The following CACNA1C variants were observed in gnomAD, a reference collection of about 807,000 sequenced individuals.
CACNA1C encodes the protein voltage-dependent L-type calcium channel subunit alpha-1C.
A neutral mutation model predicts 229.0 loss-of-function variants in CACNA1C; 30 were observed. That is an observed-to-expected ratio of 0.13 (90% CI 0.10 to 0.18). The LOEUF (loss-of-function observed/expected upper bound fraction) is 0.18. CACNA1C is among the 10% of genes least tolerant of loss of function. The pLI is 1.00. For missense variants in CACNA1C, 1,658 were observed against 2,845.0 expected (o/e 0.58, Z 9.49); for synonymous variants, 1,114 against 1,132.5 (o/e 0.98, Z 0.33).
intron 3 of CACNA1C, among the ~76,000 whole-genome samples, chr12:2,404,912 T>C (rs1447742230): frequency 6.6e-6 from 1 of 151,714 alleles, no homozygotes; most frequent in Non-Finnish European, 1.5e-5. Flanking sequence ...TGTTTCTGAC[T>C]TCTTCTCAAA....
At position 2,678,020 on chromosome 12, in the gene CACNA1C, C is replaced by A; in HGVS notation, c.5091+153C>A. ...CTTCCTGATGAGCTGTCTCCTCACCCCTTTGCCTTTTCCAAGCCTGACTCC... is the reference window on the plus strand; with the variant it reads ...CTTCCTGATGAGCTGTCTCCTCACCACTTTGCCTTTTCCAAGCCTGACTCC... On this transcript the variant is annotated intron_variant, in intron 41 of 46. Coordinates refer to ENST00000399655, the MANE Select transcript of CACNA1C (RefSeq NM_000719.7). This position sits in a 1 kb window ranked among gnomAD's most constrained non-coding sequence, Gnocchi z 4.1. 1 of 851,310 alleles carries A rather than the reference C, an allele frequency of 1.2e-6. No individual in the cohort carries two copies. The highest frequency in any genetic ancestry group is 1.8e-6 in the Non-Finnish European group (1 of 559,554). 52.7% of individuals were successfully genotyped at this position (851,310 alleles called of 1,614,324 possible). A position where few individuals can be genotyped will look rare whatever the true frequency, so the allele number is the denominator to read the frequency against.
intron 3 of CACNA1C, among the ~76,000 whole-genome samples, chr12:2,413,206 C>T (rs987111681): frequency 0.01 from 2 of 194 alleles, no homozygotes; most frequent in African/African-American, 0.019. Flanking sequence ...TTACTAAAGA[C>T]GTGTTTCACC....
intron 3 of CACNA1C, among the ~76,000 whole-genome samples, chr12:2,128,193 G>A (rs1231167532): frequency 6.6e-6 from 1 of 152,170 alleles, no homozygotes; most frequent in East Asian, 1.9e-4. Context: ...GCTGTAGTTG[G>A]AACTTAGGAC....
At chr12:2,205,965 G>A (rs1335705549) in intron 3 of CACNA1C, among the ~76,000 whole-genome samples, 3 of 152,140 alleles carry the variant, frequency 2.0e-5, no homozygotes, top group African/African-American at 7.2e-5. Flanking sequence ...TGACCTAATT[G>A]CCTACGAAAG....
intron 1 of CACNA1C, among the ~76,000 whole-genome samples, chr12:2,082,981 G>A (rs991019107): frequency 2.0e-5 from 3 of 152,264 alleles, no homozygotes; most frequent in South Asian, 2.1e-4. Context: ...CCTTTGGTTC[G>A]TTTAATCATG....
intron 3 of CACNA1C, among the ~76,000 whole-genome samples, chr12:2,368,907 C>T (rs1008731830): frequency 1.3e-5 from 2 of 152,178 alleles, no homozygotes; most frequent in African/African-American, 2.4e-5. Context: ...TAAGAGACGG[C>T]ATTCCTACAG....
At chr12:2,530,465 C>T (rs1568251341) in intron 9 of CACNA1C, among the ~76,000 whole-genome samples, 1 of 152,214 alleles carries the variant, frequency 6.6e-6, no homozygotes, top group Non-Finnish European at 1.5e-5. Context: ...CTACAGAGAT[C>T]TGTAGCAGTG....
intron 1 of CACNA1C, among the ~76,000 whole-genome samples, chr12:2,093,702 A>G (rs968900388): frequency 6.6e-6 from 1 of 152,174 alleles, no homozygotes; most frequent in Non-Finnish European, 1.5e-5. Context: ...TCTGGGGCCC[A>G]TGGGGGCAGC....
chr12:2,548,221 C>T (rs1280859764), intron 9 of CACNA1C, among the ~76,000 whole-genome samples: 6 of 152,178 alleles, frequency 3.9e-5, no homozygotes, highest in South Asian at 2.1e-4. Flanking sequence ...GGGCTGGTCT[C>T]ACCAGCCCCT....
intron 3 of CACNA1C, among the ~76,000 whole-genome samples, chr12:2,229,577 G>A (rs2064092083): frequency 6.6e-6 from 1 of 152,184 alleles, no homozygotes; most frequent in Non-Finnish European, 1.5e-5. Flanking sequence ...GTGGAGAAAG[G>A]TAAAGCAGGG....
chr12:2,510,606 C>T (rs940748778), intron 8 of CACNA1C, among the ~76,000 whole-genome samples: 1 of 152,166 alleles, frequency 6.6e-6, no homozygotes, highest in African/African-American at 2.4e-5. Flanking sequence ...GGCCAATTGT[C>T]CCTATTCCAG....
rs754356413 is a variant in CACNA1C at position 2,581,674 on chromosome 12, C to A, written c.1980C>A (p.Leu660=). The part of the protein sequence containing the change: ...SIASLLLLLF[L]FIIIFSLLGM... The stretch of plus-strand genomic sequence containing the variant: ...CCTCCCTGCTCCTTCTCCTCTTCCT[C>A]TTCATCATCATCTTCTCCCTCCTGG... The change falls in exon 14 of 47, where the codon CTC becomes CTA. Residue 660 remains leucine, a synonymous_variant. Coordinates refer to ENST00000399655, the MANE Select transcript of CACNA1C (RefSeq NM_000719.7). 18 of 1,611,052 alleles carry A rather than the reference C, an allele frequency of 1.1e-5. No homozygotes were observed. Among genetic ancestry groups the A allele is most frequent in the Non-Finnish European group, 7.6e-6 (9 of 1,178,652 alleles).
chr12:2,004,666 G>A, intron 1 of CACNA1C: 1 of 557,960 alleles, frequency 1.8e-6, no homozygotes, highest in Non-Finnish European at 3.1e-6. Flanking sequence ...GCCCAGGCCT[G>A]CCCTCTGCAT....
Position 2,504,572 on chromosome 12 carries a change from C to T in CACNA1C, c.1114-270C>T, listed in dbSNP as rs747538351. Reference sequence around the variant, plus strand: ...GACCGTTTCTATGTCCTCTCCACAACGCAGCCGAGCAAGGTCTCAGGTTCC... The same window carrying T: ...GACCGTTTCTATGTCCTCTCCACAATGCAGCCGAGCAAGGTCTCAGGTTCC... On this transcript the variant is annotated intron_variant, in intron 7 of 46. Transcript: ENST00000399655. The surrounding 1 kb of genome is among the most constrained non-coding windows in gnomAD (Gnocchi z 6.8). 60 of 1,291,470 alleles carry T rather than the reference C, an allele frequency of 4.6e-5. No homozygotes were observed. Among genetic ancestry groups the T allele is most frequent in the South Asian group, 8.3e-5 (7 of 84,600 alleles). 80.0% of individuals were successfully genotyped at this position (1,291,470 alleles called of 1,614,324 possible).
chr12:2,619,251 G>A (rs183035626), intron 29 of CACNA1C, among the ~76,000 whole-genome samples: 1 of 152,166 alleles, frequency 6.6e-6, no homozygotes, highest in Non-Finnish European at 1.5e-5. Flanking sequence ...AGCATACTGT[G>A]GTGAGACTGA....
rs970131966 is a variant in CACNA1C, at chr12:2,647,052, T to C, written c.3913-1423T>C. Among the ~76,000 whole-genome samples the C allele has an allele frequency of 1.2e-4, 18 of 151,066 alleles. No individual in the cohort carries two copies. Among genetic ancestry groups the C allele is most frequent in the African/African-American group, 3.6e-4 (15 of 41,126 alleles). ...AAAAGGGCATCCTACCAACTAGCTA[T>C]GAAAAAAAAAAGAATTTGCTGAGAA... On this transcript the variant is annotated intron_variant, in intron 30 of 46. Coordinates refer to ENST00000399655, the MANE Select transcript of CACNA1C (RefSeq NM_000719.7). This position sits in a 1 kb window ranked among gnomAD's most constrained non-coding sequence, Gnocchi z 4.2.
chr12:2,254,387 T>C (rs967954017), intron 3 of CACNA1C, among the ~76,000 whole-genome samples: 16 of 152,220 alleles, frequency 1.1e-4, no homozygotes, highest in African/African-American at 3.9e-4. Flanking sequence ...CATGTCTTCC[T>C]TAGACACATA....
intron 9 of CACNA1C, among the ~76,000 whole-genome samples, chr12:2,537,714 G>T (rs181553438): frequency 6.6e-6 from 1 of 152,316 alleles, no homozygotes; most frequent in Admixed American, 6.5e-5. Flanking sequence ...GTGCTCTAGA[G>T]AAAGACCACC....
rs2097837075 is a variant in CACNA1C at position 2,695,750 on chromosome 12, G to GA, written c.*4553dup. 6.6e-6 allele frequency: 1 copy of GA among 152,206 alleles called. No individual in the cohort carries two copies. The highest frequency in any genetic ancestry group is 1.5e-5 in the Non-Finnish European group (1 of 68,030). 9.4% of individuals were successfully genotyped at this position (152,206 alleles called of 1,614,324 possible). ...GCAGATGCTTACACGACCTCTTTGTGAAGCCTCTTCTGGGTTTAACTTCAT... is the reference window on the plus strand; with the variant it reads ...GCAGATGCTTACACGACCTCTTTGTGAAAGCCTCTTCTGGGTTTAACTTCAT... On this transcript the variant is annotated 3_prime_UTR_variant, in exon 47 of 47. Coordinates refer to ENST00000399655, the MANE Select transcript of CACNA1C (RefSeq NM_000719.7).
Sources: allele counts gnomAD v4.1 joint callset (sites outside exome capture counted in the v4.1 genomes callset), GRCh38; gene constraint gnomAD v4.1.1; non-coding constraint Gnocchi (gnomAD v3.1); transcripts MANE v1.5; gene names NCBI Gene and HGNC (gene_info 2026-07-23, HGNC 2026-07-21).